Variants in DPP6 observed in about 807,000 individuals in gnomAD.
DPP6 encodes the protein A-type potassium channel modulatory protein DPP6.
Under a neutral mutation model 122.6 loss-of-function variants are expected in DPP6, and 69 were observed. The ratio of observed to expected loss-of-function variants is 0.56; its 90% CI spans 0.46 to 0.69. The LOEUF (loss-of-function observed/expected upper bound fraction) is 0.69. Among genes scored for constraint, DPP6 ranks in the 30% least tolerant of loss-of-function variants. The pLI, the probability that DPP6 is intolerant of heterozygous loss-of-function variation, is 0.00. For synonymous variants in DPP6, 418 were observed against 433.1 expected (o/e 0.97, Z 0.43); for missense variants, 928 against 1,116.9 (o/e 0.83, Z 2.41).
At chr7:154,408,432 TG>T (rs1042172929) in intron 1 of DPP6, among the ~76,000 whole-genome samples, 10 of 152,066 alleles carry the variant, frequency 6.6e-5, no homozygotes, top group Non-Finnish European at 1.5e-4. Context: ...ATGTGGTTAT[TG>T]TTTTTTTAAA....
chr7:154,873,467 C>T (rs560873024), intron 19 of DPP6, among the ~76,000 whole-genome samples: 5 of 152,126 alleles, frequency 3.3e-5, no homozygotes, highest in Admixed American at 2.0e-4. Flanking sequence ...CCGGCTGAAG[C>T]GAGGCCTATG....
rs1181883596 is a variant in DPP6, at chr7:154,861,967, T to TCCATTCTC, written c.1715-6027_1715-6020dup. Among the ~76,000 whole-genome samples the TCCATTCTC allele has an allele frequency of 1.4e-4, 22 of 152,342 alleles. No individual in the cohort carries two copies. In the East Asian group the frequency reaches 1.5e-3, roughly 11 times the overall value. On this transcript the variant is annotated intron_variant, in intron 17 of 25. Transcript: ENST00000377770. Reference sequence around the variant, plus strand: ...CTATATGCCAAAACATTGTGGCCCATCCATTCTCTGTCATTAAGGATTATT... The same window carrying TCCATTCTC: ...CTATATGCCAAAACATTGTGGCCCATCCATTCTCCCATTCTCTGTCATTAAGGATTATT...
At chr7:154,328,750 A>G (rs1808660515) in intron 1 of DPP6, among the ~76,000 whole-genome samples, 1 of 152,190 alleles carries the variant, frequency 6.6e-6, no homozygotes, top group Non-Finnish European at 1.5e-5. Flanking sequence ...CCAGGTCTAG[A>G]ACACACCCAC....
chr7:154,167,857 T>G (rs1007714205), intron 1 of DPP6, among the ~76,000 whole-genome samples: 1 of 152,218 alleles, frequency 6.6e-6, no homozygotes, highest in East Asian at 1.9e-4. Flanking sequence ...CTACAAAATG[T>G]CAGGCTCCCA....
intron 16 of DPP6, among the ~76,000 whole-genome samples, chr7:154,848,456 A>G (rs762475036): frequency 1.3e-5 from 2 of 151,856 alleles, no homozygotes; most frequent in Non-Finnish European, 2.9e-5. Context: ...TCTATTTTCT[A>G]TTTGCATGTC....
intron 2 of DPP6, among the ~76,000 whole-genome samples, chr7:154,473,598 G>T (rs1822476923): frequency 6.6e-6 from 1 of 152,168 alleles, no homozygotes; most frequent in African/African-American, 2.4e-5. Flanking sequence ...ATGCACTGGG[G>T]TCCTAGAAGC....
chr7:154,468,171 C>G (rs1821954776), intron 2 of DPP6, among the ~76,000 whole-genome samples: 1 of 152,150 alleles, frequency 6.6e-6, no homozygotes, highest in Middle Eastern at 3.2e-3. Context: ...CATGGATGAA[C>G]TTTGAAAACA....
chr7:154,799,398 C>T (rs1308297832), intron 12 of DPP6, among the ~76,000 whole-genome samples: 1 of 152,226 alleles, frequency 6.6e-6, no homozygotes, highest in Non-Finnish European at 1.5e-5. Context: ...CACCCTGTCA[C>T]TGCTGCGCTG....
At chr7:154,741,045 G>C (rs1842796061) in intron 8 of DPP6, among the ~76,000 whole-genome samples, 1 of 152,202 alleles carries the variant, frequency 6.6e-6, no homozygotes, top group African/African-American at 2.4e-5. Flanking sequence ...CCCTGCACTT[G>C]CAGGCGTGGA....
chr7:154,227,065 C>A (rs766754209), intron 1 of DPP6, among the ~76,000 whole-genome samples: 1 of 152,198 alleles, frequency 6.6e-6, no homozygotes, highest in African/African-American at 2.4e-5. Flanking sequence ...TCCAATAATT[C>A]CACTTCTGGG....
intron 18 of DPP6, among the ~76,000 whole-genome samples, chr7:154,868,868 C>T (rs1235140776): frequency 6.6e-6 from 1 of 152,234 alleles, no homozygotes; most frequent in Non-Finnish European, 1.5e-5. Flanking sequence ...CTGTCCCGCT[C>T]CAGACTTCCC....
At chr7:154,264,862 G>C (rs1381261924) in intron 1 of DPP6, among the ~76,000 whole-genome samples, 1 of 151,628 alleles carries the variant, frequency 6.6e-6, no homozygotes, top group Non-Finnish European at 1.5e-5. Flanking sequence ...TAGTGATAAT[G>C]ATGGTGATCC....
chr7:154,854,621 A>G (rs1802673421), intron 17 of DPP6, among the ~76,000 whole-genome samples: 1 of 152,174 alleles, frequency 6.6e-6, no homozygotes, highest in African/African-American at 2.4e-5. Context: ...ATCAAGGTTG[A>G]AGCCTGGTCA....
chr7:154,128,006 CGGT>C (rs1808061710), intron 1 of DPP6, among the ~76,000 whole-genome samples: 1 of 149,110 alleles, frequency 6.7e-6, no homozygotes, highest in Admixed American at 6.7e-5. Flanking sequence ...GTAGCAATGA[CGGT>C]GGAAGAAAGC....
chr7:154,640,242 G>A (rs1835985371), intron 6 of DPP6, among the ~76,000 whole-genome samples: 1 of 134,520 alleles, frequency 7.4e-6, no homozygotes, highest in South Asian at 2.7e-4. Flanking sequence ...GACAGAGTGA[G>A]ACTCTGTCAA....
At chr7:153,997,806 G>A (rs566378652) in intron 1 of DPP6, among the ~76,000 whole-genome samples, 2,668 of 150,670 alleles carry the variant, frequency 0.018, 32 homozygotes, top group Non-Finnish European at 0.025. Flanking sequence ...CTACAAGGGA[G>A]GCAGGTCTGC....
At chr7:153,958,475 G>A (rs1331789320) in intron 1 of DPP6, among the ~76,000 whole-genome samples, 2 of 152,136 alleles carry the variant, frequency 1.3e-5, no homozygotes, top group African/African-American at 4.8e-5. Flanking sequence ...GGCAGGCTGG[G>A]AATGTAGACT....
At chr7:154,780,173 A>G (rs974153943) in intron 10 of DPP6, among the ~76,000 whole-genome samples, 5 of 152,206 alleles carry the variant, frequency 3.3e-5, no homozygotes, top group Non-Finnish European at 7.3e-5. Context: ...AGCCATTCCC[A>G]GTGACTAGGG....
intron 5 of DPP6, among the ~76,000 whole-genome samples, chr7:154,601,041 T>C (rs1032386260): frequency 8.3e-6 from 1 of 120,280 alleles, no homozygotes; most frequent in African/African-American, 2.6e-5. Flanking sequence ...CGGTGAGCCA[T>C]TGGACTCCAG....
Sources: allele counts gnomAD v4.1 joint callset (sites outside exome capture counted in the v4.1 genomes callset), GRCh38; gene constraint gnomAD v4.1.1; transcripts MANE v1.5; gene names NCBI Gene and HGNC (gene_info 2026-07-23, HGNC 2026-07-21).